The following SULT2B1 variants were observed in gnomAD, a reference collection of about 807,000 sequenced individuals.
SULT2B1 encodes sulfotransferase family 2B member 1.
A neutral mutation model predicts 33.2 loss-of-function variants in SULT2B1; 16 were observed. The observed-to-expected ratio is 0.48, with a 90% CI of 0.33 to 0.73. SULT2B1 has a LOEUF of 0.73. Among genes scored for constraint, SULT2B1 ranks in the 30% least tolerant of loss-of-function variants. The probability of loss-of-function intolerance (pLI) is 0.02; values close to 1 mark genes in which losing one functional copy is unlikely to be tolerated. For synonymous variants in SULT2B1, 186 were observed against 200.5 expected (o/e 0.93, Z 0.61); for missense variants, 500 against 506.0 (o/e 0.99, Z 0.11).
intron 1 of SULT2B1, among the ~76,000 whole-genome samples, chr19:48,564,950 C>T (rs1229867515): frequency 6.6e-6 from 1 of 151,856 alleles, no homozygotes; most frequent in African/African-American, 2.4e-5. Context: ...GCCACCACGC[C>T]CGGCTAATTT....
chr19:48,576,357 C>CTTTTTTTTTTTTTTT (rs59055065), intron 2 of SULT2B1, among the ~76,000 whole-genome samples: 3 of 114,846 alleles, frequency 2.6e-5, no homozygotes, highest in Non-Finnish European at 5.1e-5. Flanking sequence ...CCCTCTACTT[C>CTTTTTTTTTTTTTTT]TCTTTTTTTT....
At position 48,580,992 on chromosome 19, in the gene SULT2B1, C is replaced by T. The variant is rs117886586; in HGVS notation, c.214+4909C>T. On this transcript the variant is annotated intron_variant, in intron 2 of 6. Coordinates refer to ENST00000201586, the MANE Select transcript of SULT2B1 (RefSeq NM_177973.2). Reference sequence around the variant, plus strand: ...TCCCTAACAGCTAATGGTGTTTGAGCATCTTTTCATGTGCTCATTAGCCAT... The same window carrying T: ...TCCCTAACAGCTAATGGTGTTTGAGTATCTTTTCATGTGCTCATTAGCCAT... Among the ~76,000 whole-genome samples the T allele has an allele frequency of 1.5e-3, 228 of 147,400 alleles. 7 individuals carry two copies. The East Asian group carries it at 0.041, about 27-fold the overall frequency.
chr19:48,578,806 G>A (rs1228880989), intron 2 of SULT2B1, among the ~76,000 whole-genome samples: 1 of 152,072 alleles, frequency 6.6e-6, no homozygotes, highest in East Asian at 1.9e-4. Context: ...GAACCGGGGG[G>A]TAGAGGTTGC....
At chr19:48,557,658 T>C (rs1973117336) in intron 1 of SULT2B1, among the ~76,000 whole-genome samples, 1 of 152,168 alleles carries the variant, frequency 6.6e-6, no homozygotes, top group Non-Finnish European at 1.5e-5. Context: ...GGCTCACGCC[T>C]GTAATCCCAG....
intron 1 of SULT2B1, among the ~76,000 whole-genome samples, chr19:48,569,361 A>AAAT (rs1568405757): frequency 8.0e-4 from 8 of 9,960 alleles, no homozygotes; most frequent in South Asian, 7.8e-3. Flanking sequence ...AAAAAAAAAA[A>AAAT]ACATATATAT....
intron 2 of SULT2B1, among the ~76,000 whole-genome samples, chr19:48,585,694 G>A (rs1180996787): frequency 6.6e-6 from 1 of 151,906 alleles, no homozygotes. Context: ...TGGGGGTAGG[G>A]GGGAGGGATA....
intron 1 of SULT2B1, among the ~76,000 whole-genome samples, chr19:48,571,795 T>C (rs1315357194): frequency 6.6e-6 from 1 of 151,330 alleles, no homozygotes; most frequent in East Asian, 1.9e-4. Flanking sequence ...GGGAAGAGGG[T>C]GCAGGGGGTC....
chr19:48,558,289 C>T (rs1973127495), intron 1 of SULT2B1, among the ~76,000 whole-genome samples: 1 of 152,108 alleles, frequency 6.6e-6, no homozygotes, highest in Admixed American at 6.6e-5. Flanking sequence ...GAGCAAGACC[C>T]GGAAGGAGCG....
intron 1 of SULT2B1, among the ~76,000 whole-genome samples, chr19:48,571,270 C>T (rs1973323832): frequency 6.6e-6 from 1 of 151,784 alleles, no homozygotes; most frequent in Non-Finnish European, 1.5e-5. Context: ...GATCTCAGGA[C>T]ACTGCAACCT....
intron 1 of SULT2B1, among the ~76,000 whole-genome samples, chr19:48,555,026 C>T (rs932953141): frequency 4.6e-5 from 7 of 152,156 alleles, no homozygotes; most frequent in African/African-American, 1.7e-4. Flanking sequence ...GTGAAGCGGG[C>T]GCTCTGAGGT....
At position 48,571,004 on chromosome 19, in the gene SULT2B1, A is replaced by G. The variant is rs576941139; in HGVS notation, c.72-4937A>G. The stretch of plus-strand genomic sequence containing the variant: ...CTCCCAAAGTGCTGGGATTATAGGC[A>G]TGAGCCACCACACCTGGCCTATTAT... On this transcript the variant is annotated intron_variant, in intron 1 of 6. Transcript: ENST00000201586. Among the ~76,000 whole-genome samples, 20 of 149,514 alleles carry G rather than the reference A, an allele frequency of 1.3e-4. 1 individual carries two copies. The South Asian group carries it at 4.2e-3, about 32-fold the overall frequency.
chr19:48,594,232 G>GC (rs1482509146), intron 5 of SULT2B1, among the ~76,000 whole-genome samples: 1 of 152,106 alleles, frequency 6.6e-6, no homozygotes, highest in Admixed American at 6.6e-5. Context: ...TTGCACTCCA[G>GC]CTGGGTTATA....
At chr19:48,582,970 T>C in intron 2 of SULT2B1, among the ~76,000 whole-genome samples, 1 of 139,458 alleles carries the variant, frequency 7.2e-6, no homozygotes, top group Admixed American at 7.1e-5. Flanking sequence ...CTGGGCAACA[T>C]GGCAAAATCC....
chr19:48,592,675 G>T (rs1231493211), intron 4 of SULT2B1, 47 bp from the exon 5 acceptor site: 6 of 1,514,962 alleles, frequency 4.0e-6, no homozygotes, highest in Non-Finnish European at 5.4e-6. Context: ...TGGGGCTGGG[G>T]GAACCCCGCC....
At position 48,575,954 on chromosome 19, in the gene SULT2B1, G is replaced by A; in HGVS notation, c.85G>A (p.Gly29Ser). 6.2e-7 allele frequency: 1 copy of A among 1,613,120 alleles called. No individual in the cohort carries two copies. Residue 29 changes from glycine (G) to serine (S), a missense_variant, in exon 2 of 7, where the codon GGT (glycine) becomes AGT (serine). Coordinates refer to ENST00000201586, the MANE Select transcript of SULT2B1 (RefSeq NM_177973.2). ...DISEISQKLP[G>S]EYFRYKGVPF... ...ACCTTTCCACAGCCAGAAGTTGCCA[G>A]GTGAATACTTCCGGTACAAGGGCGT...
chr19:48,577,930 G>C (rs1973436759), intron 2 of SULT2B1, among the ~76,000 whole-genome samples: 1 of 152,088 alleles, frequency 6.6e-6, no homozygotes, highest in South Asian at 2.1e-4. Flanking sequence ...GAAAAGTAGA[G>C]GGTAGGCGGG....
rs368475685 is a variant in SULT2B1 at position 48,562,249 on chromosome 19, G to T, written c.71+9926G>T. ...TAAAAATACAAAAAATTAGCCAGGC[G>T]TGGTGGCACATGCCTGTAATCCCAG... On this transcript the variant is annotated intron_variant, in intron 1 of 6. Coordinates refer to ENST00000201586, the MANE Select transcript of SULT2B1 (RefSeq NM_177973.2). Among the ~76,000 whole-genome samples the T allele has an allele frequency of 2.6e-5, 4 of 152,258 alleles. No individual in the cohort carries two copies. The East Asian group carries it at 5.8e-4, about 22-fold the overall frequency.
intron 6 of SULT2B1, among the ~76,000 whole-genome samples, chr19:48,597,211 C>T (rs1475443548): frequency 1.3e-5 from 2 of 152,088 alleles, no homozygotes; most frequent in African/African-American, 4.8e-5. Context: ...GAGTCCTCCT[C>T]GACGGCCATG....
chr19:48,594,532 C>A (rs1455121730), intron 5 of SULT2B1, among the ~76,000 whole-genome samples: 6 of 152,212 alleles, frequency 3.9e-5, no homozygotes, highest in African/African-American at 1.4e-4. Flanking sequence ...AGAACTGGGC[C>A]ACAGAGCCTA....
Sources: gnomAD v4.1 joint callset for allele counts (sites outside exome capture counted in the v4.1 genomes callset) on GRCh38, gnomAD v4.1.1 for gene constraint, MANE v1.5 for transcripts, NCBI Gene and HGNC (gene_info 2026-07-23, HGNC 2026-07-21) for gene names.